The following HECW1 variants were observed in gnomAD, a reference collection of about 807,000 sequenced individuals.
The protein encoded by HECW1 is HECT, C2 and WW domain containing E3 ubiquitin protein ligase 1, also known as E3 ubiquitin-protein ligase HECW1.
Under a neutral mutation model 182.3 loss-of-function variants are expected in HECW1, and 61 were observed. The observed-to-expected ratio is 0.33, with a 90% CI of 0.27 to 0.41. The LOEUF (loss-of-function observed/expected upper bound fraction) is 0.41, where lower values mean the gene tolerates loss of function less well. Ranked by LOEUF, HECW1 falls within the 10% of genes least tolerant of loss-of-function variation. The pLI is 1.00. For missense variants in HECW1, 1,739 were observed against 2,108.9 expected, an observed-to-expected ratio of 0.82 and a Z score of 3.44; for synonymous variants, 859 against 832.6, an observed-to-expected ratio of 1.03 and a Z score of -0.55.
chr7:43,385,509 CATGG>C, intron 6 of HECW1, among the ~76,000 whole-genome samples: 1 of 151,730 alleles, frequency 6.6e-6, no homozygotes, highest in Admixed American at 6.6e-5. Flanking sequence ...GTCTGACTCA[CATGG>C]TCTTGGTAAA....
chr7:43,133,035 A>G (rs915475000), intron 2 of HECW1, among the ~76,000 whole-genome samples: 6 of 152,160 alleles, frequency 3.9e-5, no homozygotes, highest in African/African-American at 1.4e-4. Flanking sequence ...ATGTCTAAAC[A>G]TTGAATTTGG....
chr7:43,415,839 C>A (rs1384106144), intron 8 of HECW1, among the ~76,000 whole-genome samples: 1 of 139,080 alleles, frequency 7.2e-6, no homozygotes, highest in African/African-American at 2.8e-5. Flanking sequence ...GAGGCTTCTG[C>A]ATTCTTCACG....
intron 2 of HECW1, among the ~76,000 whole-genome samples, chr7:43,189,623 T>A (rs935842389): frequency 9.2e-5 from 14 of 152,172 alleles, no homozygotes; most frequent in African/African-American, 3.4e-4. Context: ...AAACTTGACC[T>A]TATTATGAAA....
intron 24 of HECW1, among the ~76,000 whole-genome samples, chr7:43,530,907 A>C (rs1419941313): frequency 6.6e-6 from 1 of 152,214 alleles, no homozygotes; most frequent in East Asian, 1.9e-4. Flanking sequence ...TTCTCTAAAA[A>C]TGCCAAAACA....
At position 43,458,375 on chromosome 7, in the gene HECW1, G is replaced by A. The variant is rs192108741; in HGVS notation, c.2651+1928G>A. ...TGGCATAAACCCATGAAAGTTTATCGGGGTGATCTGCTTGCATAATATAAA... is the reference window on the plus strand; with the variant it reads ...TGGCATAAACCCATGAAAGTTTATCAGGGTGATCTGCTTGCATAATATAAA... On this transcript the variant is annotated intron_variant, in intron 13 of 29. Transcript: ENST00000395891. Among the ~76,000 whole-genome samples the A allele has an allele frequency of 2.8e-3, 433 of 152,252 alleles. 1 individual carries two copies. Among genetic ancestry groups the A allele is most frequent in the Non-Finnish European group, 5.4e-3 (365 of 68,022 alleles).
chr7:43,290,630 A>G (rs905506503), intron 3 of HECW1, among the ~76,000 whole-genome samples: 4 of 152,306 alleles, frequency 2.6e-5, no homozygotes, highest in Middle Eastern at 3.4e-3. Flanking sequence ...CCATCCCGTC[A>G]GTTGGGCAAT....
intron 2 of HECW1, among the ~76,000 whole-genome samples, chr7:43,136,955 C>T (rs531215996): frequency 6.6e-6 from 1 of 152,336 alleles, no homozygotes; most frequent in South Asian, 2.1e-4. Context: ...CCAAAGCCAA[C>T]AGTATGACTT....
At chr7:43,302,566 A>G (rs1376954255) in intron 3 of HECW1, among the ~76,000 whole-genome samples, 1 of 152,164 alleles carries the variant, frequency 6.6e-6, no homozygotes, top group East Asian at 1.9e-4. Context: ...GGATGGAGTG[A>G]GGCTGAGGTC....
intron 6 of HECW1, among the ~76,000 whole-genome samples, chr7:43,368,719 G>A (rs1008359072): frequency 1.3e-5 from 2 of 152,142 alleles, no homozygotes; most frequent in Admixed American, 1.3e-4. Flanking sequence ...AGGCATTCTG[G>A]GGTCTCAAGT....
At position 43,416,376 on chromosome 7, in the gene HECW1, G is replaced by A. The variant is rs2075997090; in HGVS notation, c.801+8645G>A. Among the ~76,000 whole-genome samples, 17 of 151,172 alleles carry A rather than the reference G, an allele frequency of 1.1e-4. No individual in the cohort carries two copies. The South Asian group carries it at 3.6e-3, about 32-fold the overall frequency. ...GGTCAGGGACCCACTTGAGGAGGCA[G>A]TCTGCCGGTTCTCAGATCTCCAGCT... On this transcript the variant is annotated intron_variant, in intron 8 of 29. Coordinates refer to ENST00000395891, the MANE Select transcript of HECW1 (RefSeq NM_015052.5).
At chr7:43,327,400 A>T (rs936965379) in intron 5 of HECW1, among the ~76,000 whole-genome samples, 1 of 152,184 alleles carries the variant, frequency 6.6e-6, no homozygotes, top group Non-Finnish European at 1.5e-5. Context: ...CATGGTTAAA[A>T]TTGCACTGTG....
chr7:43,489,869 T>G (rs1369331939), intron 17 of HECW1, among the ~76,000 whole-genome samples: 1 of 152,248 alleles, frequency 6.6e-6, no homozygotes, highest in African/African-American at 2.4e-5. Context: ...CATGGCCTAT[T>G]CTTAAGTGGC....
At chr7:43,517,230 G>A (rs867020504) in intron 24 of HECW1, among the ~76,000 whole-genome samples, 2 of 152,122 alleles carry the variant, frequency 1.3e-5, no homozygotes, top group Non-Finnish European at 2.9e-5. Flanking sequence ...TGGTGGTGAC[G>A]AATCTAACCT....
chr7:43,430,539 T>C (rs2152864978), intron 8 of HECW1, among the ~76,000 whole-genome samples: 2 of 152,340 alleles, frequency 1.3e-5, no homozygotes, highest in East Asian at 3.9e-4. Context: ...TTTCCCATGA[T>C]TGGCTGTTAT....
intron 6 of HECW1, among the ~76,000 whole-genome samples, chr7:43,396,117 A>G (rs1344541878): frequency 6.6e-6 from 1 of 152,252 alleles, no homozygotes; most frequent in Non-Finnish European, 1.5e-5. Flanking sequence ...TCATTTCTGA[A>G]TAAAACCTTC....
chr7:43,404,793 A>G (rs1344009665), intron 7 of HECW1, among the ~76,000 whole-genome samples: 1 of 152,026 alleles, frequency 6.6e-6, no homozygotes, highest in African/African-American at 2.4e-5. Context: ...TGGCCAACCT[A>G]ATGAAACCCT....
intron 2 of HECW1, among the ~76,000 whole-genome samples, chr7:43,240,287 G>GGGGTTTGGGAATGCTGACATC (rs1562719669): frequency 6.6e-6 from 1 of 152,016 alleles, no homozygotes; most frequent in African/African-American, 2.4e-5. Flanking sequence ...GCAGTGAGCC[G>GGGGTTTGGGAATGCTGACATC]AGATCTGGCC....
intron 26 of HECW1, among the ~76,000 whole-genome samples, chr7:43,542,662 A>G (rs949317873): frequency 1.3e-5 from 2 of 152,180 alleles, no homozygotes; most frequent in Non-Finnish European, 1.5e-5. Context: ...GTGTACACAT[A>G]TCTGTTCAAG....
chr7:43,294,464 G>C (rs1805792649), intron 3 of HECW1, among the ~76,000 whole-genome samples: 1 of 152,188 alleles, frequency 6.6e-6, no homozygotes, highest in Non-Finnish European at 1.5e-5. Context: ...GAGCCTTCCA[G>C]AAGTCCTGGG....
Sources: allele counts gnomAD v4.1 joint callset (sites outside exome capture counted in the v4.1 genomes callset), GRCh38; gene constraint gnomAD v4.1.1; transcripts MANE v1.5; gene names NCBI Gene and HGNC (gene_info 2026-07-23, HGNC 2026-07-21).